The following ROBO2 variants were observed in gnomAD, a reference collection of about 807,000 sequenced individuals.
The protein encoded by ROBO2 is roundabout homolog 2.
ROBO2 carries 53 observed loss-of-function variants against 160.8 expected under a neutral mutation model. The observed-to-expected ratio is 0.33, with a 90% CI of 0.26 to 0.41. The LOEUF (loss-of-function observed/expected upper bound fraction) is 0.41. ROBO2 is among the 10% of genes least tolerant of loss of function. The pLI, the probability that ROBO2 is intolerant of heterozygous loss-of-function variation, is 1.00. For missense variants in ROBO2, 1,577 were observed against 1,722.4 expected, an observed-to-expected ratio of 0.92 and a Z score of 1.49; for synonymous variants, 664 against 611.7, an observed-to-expected ratio of 1.09 and a Z score of -1.26.
intron 2 of ROBO2, among the ~76,000 whole-genome samples, chr3:76,007,947 A>G (rs986186357): frequency 6.6e-6 from 1 of 152,136 alleles, no homozygotes; most frequent in Non-Finnish European, 1.5e-5. Context: ...AATTTTTAAA[A>G]CTGATGCTAA....
chr3:76,923,601 G>T (rs530153557), intron 2 of ROBO2, among the ~76,000 whole-genome samples: 1 of 152,172 alleles, frequency 6.6e-6, no homozygotes, highest in Non-Finnish European at 1.5e-5. Context: ...AATTCTTCTG[G>T]CTCATTGGCC....
At chr3:76,518,770 G>A (rs916729645) in intron 2 of ROBO2, among the ~76,000 whole-genome samples, 12 of 151,904 alleles carry the variant, frequency 7.9e-5, no homozygotes, top group African/African-American at 1.7e-4. Flanking sequence ...CTTATAAAGC[G>A]GAAAAACAAT....
chr3:77,006,588 T>C (rs1357062565), intron 2 of ROBO2, among the ~76,000 whole-genome samples: 3 of 151,978 alleles, frequency 2.0e-5, no homozygotes, highest in Non-Finnish European at 4.4e-5. Flanking sequence ...ACTGGTAAAA[T>C]AGTCTATGGA....
chr3:77,517,083 G>A lies in ROBO2; in HGVS notation c.807-5692G>A, dbSNP rs552245935. On this transcript the variant is annotated intron_variant, in intron 5 of 25. Transcript: ENST00000461745. ...GACAAGAAATAAGGAAACAAAAGAT[G>A]TGGTAAAGATATGTGCTTTGAAGAA... Among the ~76,000 whole-genome samples, 7 of 151,772 alleles carry A rather than the reference G, an allele frequency of 4.6e-5. No homozygotes were observed. The South Asian group carries it at 8.3e-4, about 18-fold the overall frequency.
chr3:77,120,884 A>C (rs1488389083), intron 2 of ROBO2, among the ~76,000 whole-genome samples: 1 of 152,120 alleles, frequency 6.6e-6, no homozygotes, highest in Non-Finnish European at 1.5e-5. Context: ...AGAAACCCAA[A>C]ATAATTTCTT....
At chr3:76,793,336 G>A (rs2063486276) in intron 2 of ROBO2, among the ~76,000 whole-genome samples, 1 of 151,750 alleles carries the variant, frequency 6.6e-6, no homozygotes, top group African/African-American at 2.4e-5. Flanking sequence ...AATACAAAAT[G>A]CCAAAACCCA....
intron 2 of ROBO2, among the ~76,000 whole-genome samples, chr3:77,338,382 A>G (rs2066711310): frequency 6.6e-6 from 1 of 152,098 alleles, no homozygotes; most frequent in Non-Finnish European, 1.5e-5. Flanking sequence ...GAGATCTCAG[A>G]CAGGATCACC....
At chr3:76,342,546 C>T (rs192016054) in intron 2 of ROBO2, among the ~76,000 whole-genome samples, 30 of 152,124 alleles carry the variant, frequency 2.0e-4, no homozygotes, top group African/African-American at 5.8e-4. Context: ...GGGAGGAAAT[C>T]GGCTATAAGC....
chr3:77,514,484 T>C (rs1279038605), intron 5 of ROBO2, among the ~76,000 whole-genome samples: 1 of 151,716 alleles, frequency 6.6e-6, no homozygotes, highest in African/African-American at 2.4e-5. Context: ...ACACATCCAA[T>C]AGAAAATGCA....
chr3:76,427,275 C>T (rs932664731), intron 2 of ROBO2, among the ~76,000 whole-genome samples: 4 of 151,264 alleles, frequency 2.6e-5, no homozygotes, highest in Non-Finnish European at 5.9e-5. Context: ...AAAAAAAAAC[C>T]ACTCGCTTGC....
intron 4 of ROBO2, among the ~76,000 whole-genome samples, chr3:77,482,307 C>G (rs887985921): frequency 3.9e-5 from 6 of 152,260 alleles, no homozygotes; most frequent in Admixed American, 3.3e-4. Context: ...AAGTGTGGCA[C>G]CAAAGCCCTG....
chr3:77,380,149 G>C (rs985916561), intron 2 of ROBO2, among the ~76,000 whole-genome samples: 1 of 152,212 alleles, frequency 6.6e-6, no homozygotes, highest in Non-Finnish European at 1.5e-5. Flanking sequence ...CAAAGTAGCT[G>C]CCATCAGTGA....
At chr3:77,009,220 T>G (rs1290116666) in intron 2 of ROBO2, among the ~76,000 whole-genome samples, 1 of 152,236 alleles carries the variant, frequency 6.6e-6, no homozygotes, top group Non-Finnish European at 1.5e-5. Flanking sequence ...AACTCTGGAC[T>G]GATAATTCAG....
chr3:75,956,188 G>A (rs1263284214), intron 2 of ROBO2, among the ~76,000 whole-genome samples: 1 of 151,736 alleles, frequency 6.6e-6, no homozygotes, highest in Non-Finnish European at 1.5e-5. Context: ...TATTAAAAAT[G>A]TAATTTTTGT....
At chr3:76,558,265 G>C (rs984674343) in intron 2 of ROBO2, among the ~76,000 whole-genome samples, 9 of 151,974 alleles carry the variant, frequency 5.9e-5, no homozygotes, top group African/African-American at 1.9e-4. Flanking sequence ...TTTCATCATA[G>C]TTTCAGAATA....
At chr3:76,803,030 T>C (rs2064347725) in intron 2 of ROBO2, among the ~76,000 whole-genome samples, 1 of 152,192 alleles carries the variant, frequency 6.6e-6, no homozygotes, top group African/African-American at 2.4e-5. Context: ...GAGATCATTT[T>C]TGATCTCATT....
At chr3:77,331,917 G>T (rs991662967) in intron 2 of ROBO2, among the ~76,000 whole-genome samples, 3 of 152,130 alleles carry the variant, frequency 2.0e-5, no homozygotes, top group Non-Finnish European at 4.4e-5. Flanking sequence ...TGTTGGTCAG[G>T]CTGGTCTCAA....
chr3:76,092,388 TC>T (rs1281493325), intron 2 of ROBO2, among the ~76,000 whole-genome samples: 2 of 152,218 alleles, frequency 1.3e-5, no homozygotes, highest in African/African-American at 2.4e-5. Flanking sequence ...TGTTCTTGAT[TC>T]TAAATAGCTA....
chr3:76,049,902 AAGAT>A (rs974580091), intron 2 of ROBO2, among the ~76,000 whole-genome samples: 15 of 152,072 alleles, frequency 9.9e-5, no homozygotes, highest in African/African-American at 3.1e-4. Flanking sequence ...AAATGATAAA[AAGAT>A]AGGCCTCTTC....
Sources: allele counts gnomAD v4.1 joint callset (sites outside exome capture counted in the v4.1 genomes callset), GRCh38; gene constraint gnomAD v4.1.1; transcripts MANE v1.5; gene names NCBI Gene and HGNC (gene_info 2026-07-23, HGNC 2026-07-21).